The following HDAC8 variants were observed in gnomAD, a reference collection of about 807,000 sequenced individuals.
HDAC8 encodes the protein histone deacetylase 8.
In HDAC8, 1 loss-of-function variant was observed where a neutral mutation model predicts 32.2. That is an observed-to-expected ratio of 0.03 (90% CI 0.01 to 0.15). The LOEUF is 0.15. Ranked by LOEUF, HDAC8 falls within the 10% of genes least tolerant of loss-of-function variation. The pLI is 1.00. For synonymous variants in HDAC8, 108 were observed against 113.9 expected, an observed-to-expected ratio of 0.95 and a Z score of 0.33; for missense variants, 117 against 300.0, an observed-to-expected ratio of 0.39 and a Z score of 4.51.
At chrX:72,355,772 G>C (rs981644091) in intron 9 of HDAC8, among the ~76,000 whole-genome samples, 1 of 111,648 alleles carries the variant, frequency 9.0e-6, no homozygotes, top group Non-Finnish European at 1.9e-5. Context: ...AAGCCCTAAG[G>C]TTGCTGTTAT....
chrX:72,474,232 T>C (rs1319127171), intron 7 of HDAC8: 2 of 743,780 alleles, frequency 2.7e-6, no homozygotes, highest in Non-Finnish European at 3.2e-6. Flanking sequence ...CTATCTCTTA[T>C]GGTTCTTACA....
chrX:72,501,532 A>G (rs1027172689), intron 4 of HDAC8, among the ~76,000 whole-genome samples: 3 of 111,830 alleles, frequency 2.7e-5, no homozygotes, highest in Non-Finnish European at 3.8e-5. Flanking sequence ...AAGACTCCCT[A>G]TTTAGTAAAT....
chrX:72,456,326 T>A (rs1157989675), intron 9 of HDAC8, among the ~76,000 whole-genome samples: 1 of 111,936 alleles, frequency 8.9e-6, no homozygotes, highest in African/African-American at 3.3e-5. Flanking sequence ...AAAAAATTGT[T>A]CAAAGCAAAA....
intron 4 of HDAC8, among the ~76,000 whole-genome samples, chrX:72,522,723 A>G (rs1208758557): frequency 8.9e-6 from 1 of 112,511 alleles, no homozygotes; most frequent in Non-Finnish European, 1.9e-5. Context: ...TTACCAACAC[A>G]GTACTTGTTA....
chrX:72,387,804 G>A (rs1352532792), intron 9 of HDAC8, among the ~76,000 whole-genome samples: 2 of 111,618 alleles, frequency 1.8e-5, no homozygotes, highest in Non-Finnish European at 3.8e-5. Flanking sequence ...TGCAGGGGAG[G>A]ATCAGACAGT....
intron 9 of HDAC8, among the ~76,000 whole-genome samples, chrX:72,420,900 T>A (rs1042944888): frequency 4.5e-5 from 5 of 111,661 alleles, no homozygotes; most frequent in Non-Finnish European, 9.4e-5. Flanking sequence ...GTTTTTTTTT[T>A]AAATTCATTC....
intron 9 of HDAC8, among the ~76,000 whole-genome samples, chrX:72,425,166 C>T (rs1555974985): frequency 8.9e-6 from 1 of 112,157 alleles, no homozygotes; most frequent in African/African-American, 3.2e-5. Context: ...TACATCCCCA[C>T]CAGCAAAGCA....
In HDAC8 at chrX:72,417,594, T is replaced by G. The variant is rs2046380557; in HGVS notation, c.1005+44410A>C. On this transcript the variant is annotated intron_variant, in intron 9 of 10. Transcript: ENST00000373573. ...ATGACACAAACAAATGGAAAAACATTCCATGCTCAGATAGGAAGACTCAAT... is the reference window on the plus strand; with the variant it reads ...ATGACACAAACAAATGGAAAAACATGCCATGCTCAGATAGGAAGACTCAAT... 3.6e-5 allele frequency among the ~76,000 whole-genome samples: 4 copies of G among 111,789 alleles called. No individual in the cohort carries two copies. In the Admixed American group the frequency reaches 3.8e-4, roughly 11 times the overall value.
At chrX:72,359,871 A>G (rs1267319573) in intron 9 of HDAC8, among the ~76,000 whole-genome samples, 2 of 108,524 alleles carry the variant, frequency 1.8e-5, no homozygotes, top group African/African-American at 6.8e-5. Context: ...CCTGGCCAAC[A>G]TGATGAACTC....
At chrX:72,569,934 G>T (rs1225385760) in intron 2 of HDAC8, among the ~76,000 whole-genome samples, 1 of 112,265 alleles carries the variant, frequency 8.9e-6, no homozygotes, top group South Asian at 3.7e-4. Flanking sequence ...CACATTTTAA[G>T]GTGATTCATA....
At chrX:72,554,426 G>C (rs1190910696) in intron 4 of HDAC8, among the ~76,000 whole-genome samples, 2 of 107,145 alleles carry the variant, frequency 1.9e-5, no homozygotes, top group African/African-American at 6.8e-5. Context: ...ATGGTCTGGG[G>C]CAAGTTCTCA....
intron 7 of HDAC8, among the ~76,000 whole-genome samples, chrX:72,484,064 C>T (rs1373694350): frequency 8.9e-6 from 1 of 112,079 alleles, no homozygotes; most frequent in Non-Finnish European, 1.9e-5. Flanking sequence ...AATATTTCTC[C>T]CATAAAAGGA....
intron 10 of HDAC8, among the ~76,000 whole-genome samples, chrX:72,337,651 C>A (rs925145528): frequency 9.0e-6 from 1 of 111,542 alleles, no homozygotes; most frequent in Non-Finnish European, 1.9e-5. Flanking sequence ...CTCCTTGCTT[C>A]CTTCCTTGTC....
At chrX:72,535,644 T>G (rs782416498) in intron 4 of HDAC8, among the ~76,000 whole-genome samples, 3 of 111,927 alleles carry the variant, frequency 2.7e-5, no homozygotes, top group Admixed American at 9.5e-5. Flanking sequence ...TACCTACATT[T>G]TATAAATAGT....
chrX:72,483,795 A>C (rs2048583241), intron 7 of HDAC8, among the ~76,000 whole-genome samples: 1 of 111,802 alleles, frequency 8.9e-6, no homozygotes, highest in Non-Finnish European at 1.9e-5. Flanking sequence ...ATCATGCCAT[A>C]AACATATAAT....
intron 7 of HDAC8, among the ~76,000 whole-genome samples, chrX:72,478,843 G>C (rs969378888): frequency 1.8e-5 from 2 of 109,477 alleles, no homozygotes; most frequent in Non-Finnish European, 3.8e-5. Flanking sequence ...TTTTAGTAGA[G>C]ACGGGGTTTC....
At chrX:72,553,039 C>T (rs1556078238) in intron 4 of HDAC8, among the ~76,000 whole-genome samples, 1 of 109,799 alleles carries the variant, frequency 9.1e-6, no homozygotes, top group Admixed American at 9.8e-5. Flanking sequence ...TACTAGCCAC[C>T]CTATTTATTT....
At chrX:72,401,287 C>T (rs1008848707) in intron 9 of HDAC8, among the ~76,000 whole-genome samples, 7 of 111,665 alleles carry the variant, frequency 6.3e-5, no homozygotes, top group East Asian at 5.6e-4. Flanking sequence ...CCAGGCTGGA[C>T]GCAGCAGTGC....
At chrX:72,526,701 A>G (rs1556032400) in intron 4 of HDAC8, among the ~76,000 whole-genome samples, 1 of 111,580 alleles carries the variant, frequency 9.0e-6, no homozygotes, top group Non-Finnish European at 1.9e-5. Context: ...CCTCTCAGGT[A>G]CCTCGAAGAC....
Sources: allele counts gnomAD v4.1 joint callset (sites outside exome capture counted in the v4.1 genomes callset), GRCh38; gene constraint gnomAD v4.1.1; transcripts MANE v1.5; gene names NCBI Gene and HGNC (gene_info 2026-07-23, HGNC 2026-07-21).